The following ZBTB17 variants were observed in gnomAD, a reference collection of about 807,000 sequenced individuals.
The protein encoded by ZBTB17 is zinc finger and BTB domain-containing protein 17.
In ZBTB17, 24 loss-of-function variants were observed where a neutral mutation model predicts 85.1. The observed-to-expected ratio is 0.28, with a 90% CI of 0.20 to 0.40. The LOEUF (loss-of-function observed/expected upper bound fraction) is 0.40, where lower values mean the gene tolerates loss of function less well. ZBTB17 is among the 10% of genes least tolerant of loss of function. The pLI is 1.00. For missense variants in ZBTB17, 743 were observed against 1,105.1 expected, an observed-to-expected ratio of 0.67 and a Z score of 4.65; for synonymous variants, 464 against 460.2, an observed-to-expected ratio of 1.01 and a Z score of -0.11.
chr1:15,960,674 G>C (rs1280877357), intron 2 of ZBTB17, among the ~76,000 whole-genome samples: 1 of 152,262 alleles, frequency 6.6e-6, no homozygotes. Context: ...GAGCAAAGAG[G>C]CTCTCACTGA....
intron 12 of ZBTB17, 92 bp downstream of exon 12, chr1:15,943,307 T>C: frequency 1.3e-6 from 2 of 1,591,886 alleles, no homozygotes; most frequent in Non-Finnish European, 1.7e-6. Context: ...TGGGCAGCAG[T>C]CAGCTCAGTC....
chr1:15,943,424 A>T lies in ZBTB17; in HGVS notation c.1672T>A (p.Tyr558Asn), dbSNP rs1450649786. 1.9e-6 allele frequency: 3 copies of T among 1,607,260 alleles called. No individual in the cohort carries two copies. Among genetic ancestry groups the T allele is most frequent in the Non-Finnish European group, 2.6e-6 (3 of 1,176,458 alleles). Reference sequence around the variant, plus strand: ...CTCTTGCCGCAGCGCTCGCAGACGTAGGGCTTCTCCCCGGTGTGCTGGCGC... The same window carrying T: ...CTCTTGCCGCAGCGCTCGCAGACGTTGGGCTTCTCCCCGGTGTGCTGGCGC... ...HVRQHTGEKP[Y>N]VCERCGKRFV... The change falls in exon 12 of 16, where the codon TAC becomes AAC. Residue 558 changes from tyrosine (Y) to asparagine (N), a missense_variant. Coordinates refer to ENST00000375743, the MANE Select transcript of ZBTB17 (RefSeq NM_003443.3).
intron 3 of ZBTB17, 25 bp from the exon 4 acceptor site, chr1:15,947,148 C>G: frequency 6.3e-7 from 1 of 1,588,156 alleles, no homozygotes; most frequent in Non-Finnish European, 8.6e-7. Flanking sequence ...ACAGCTGTCA[C>G]AGACCCACCT....
intron 2 of ZBTB17, among the ~76,000 whole-genome samples, chr1:15,972,639 G>A (rs957416725): frequency 6.6e-6 from 1 of 152,202 alleles, no homozygotes; most frequent in Non-Finnish European, 1.5e-5. Context: ...CTTGGACCAT[G>A]AGATGGAAGC....
chr1:15,942,825 A>G lies in ZBTB17; in HGVS notation c.1829-87T>C, dbSNP rs527966894. ...CCCTCAATGACTCGTTTGCCCAGCA[A>G]CCCTGTCTTTTACAGCAGGAGGTGC... On this transcript the variant is annotated intron_variant, in intron 13 of 15. Coordinates refer to ENST00000375743, the MANE Select transcript of ZBTB17 (RefSeq NM_003443.3). 7.5e-5 allele frequency: 112 copies of G among 1,502,914 alleles called. No individual in the cohort carries two copies. The African/African-American group carries it at 1.3e-3, about 18-fold the overall frequency. The allele number at this position is 1,502,914 out of a possible 1,614,324, so 93.1% of individuals were successfully genotyped here. A position where few individuals can be genotyped will look rare whatever the true frequency, so the allele number is the denominator to read the frequency against.
intron 11 of ZBTB17, 25 bp from the exon 12 acceptor site, chr1:15,943,544 G>A (rs556407434): frequency 1.9e-6 from 3 of 1,611,496 alleles, no homozygotes; most frequent in South Asian, 2.2e-5. Context: ...GAAGGTGTTG[G>A]TGCCTGCTCC....
Position 15,951,307 on chromosome 1 carries a change from G to A in ZBTB17, c.-2-2810C>T, listed in dbSNP as rs1014073482. On this transcript the variant is annotated intron_variant, in intron 2 of 15. Coordinates refer to ENST00000375743, the MANE Select transcript of ZBTB17 (RefSeq NM_003443.3). This position sits in a 1 kb window ranked among gnomAD's most constrained non-coding sequence, Gnocchi z 4.1. ...AAGGGAAGGAAAGGAGAGAGAAGAAGGAAGGAAGGAAGGGAGAGAGGGAGG... is the reference window on the plus strand; with the variant it reads ...AAGGGAAGGAAAGGAGAGAGAAGAAAGAAGGAAGGAAGGGAGAGAGGGAGG... 1.3e-5 allele frequency among the ~76,000 whole-genome samples: 2 copies of A among 150,054 alleles called. No individual in the cohort carries two copies. The highest frequency in any genetic ancestry group is 5.0e-5 in the African/African-American group (2 of 39,756).
chr1:15,970,671 C>T lies in ZBTB17; in HGVS notation c.-3+2368G>A, dbSNP rs555551889. 4.6e-5 allele frequency among the ~76,000 whole-genome samples: 7 copies of T among 152,270 alleles called. No individual in the cohort carries two copies. In the South Asian group the frequency reaches 1.5e-3, roughly 32 times the overall value. On this transcript the variant is annotated intron_variant, in intron 2 of 15. Transcript: ENST00000375743. ...TCAAGTGATTCTCTTGCCTCAGACT[C>T]CTGAGTAGCTGGGATTACAGGCGCC...
At chr1:15,971,180 T>C (rs764683795) in intron 2 of ZBTB17, among the ~76,000 whole-genome samples, 5 of 151,580 alleles carry the variant, frequency 3.3e-5, no homozygotes, top group Admixed American at 3.3e-4. Flanking sequence ...AAGAAGCCAA[T>C]AGATCAAAAC....
chr1:15,948,210 C>T (rs1177802991), intron 3 of ZBTB17, 81 bp downstream of exon 3: 33 of 1,547,950 alleles, frequency 2.1e-5, no homozygotes, highest in Non-Finnish European at 2.6e-5. Context: ...GCAGGTGCTG[C>T]CCCTGGAGGG....
At chr1:15,942,782 C>T (rs1375250508) in intron 13 of ZBTB17, 44 bp from the exon 14 acceptor site, 1 of 1,602,608 alleles carries the variant, frequency 6.2e-7, no homozygotes. Context: ...GAAGGGGCCG[C>T]AGGGATGGGG....
Position 15,944,619 on chromosome 1 carries a change from A to G in ZBTB17, c.1071-19T>C. On this transcript the variant is annotated intron_variant, in intron 8 of 15. Transcript: ENST00000375743. The stretch of plus-strand genomic sequence containing the variant: ...CAGAGGGCTGCAGGGCCAGAAGGCG[A>G]CAGGAGGCAGGGCTCGCTGGGGCGT... 4 of 1,599,894 alleles carry G rather than the reference A, an allele frequency of 2.5e-6. No homozygotes were observed. The highest frequency in any genetic ancestry group is 1.3e-5 in the African/African-American group (1 of 75,042).
In ZBTB17 at chr1:15,966,167, G is replaced by T. The variant is rs2072433763; in HGVS notation, c.-3+6872C>A. Among the ~76,000 whole-genome samples the T allele has an allele frequency of 6.6e-6, 1 of 152,184 alleles. No individual in the cohort carries two copies. Among genetic ancestry groups the T allele is most frequent in the South Asian group, 2.1e-4 (1 of 4,830 alleles). Reference sequence around the variant, plus strand: ...AGTAACGGGGGAAAATCCCTGAGGGGCCCACATGGCCCCGAGACTACAGAA... The same window carrying T: ...AGTAACGGGGGAAAATCCCTGAGGGTCCCACATGGCCCCGAGACTACAGAA... On this transcript the variant is annotated intron_variant, in intron 2 of 15. Transcript: ENST00000375743. This position sits in a 1 kb window ranked among gnomAD's most constrained non-coding sequence, Gnocchi z 4.1.
chr1:15,958,648 AG>A (rs2072139558), intron 2 of ZBTB17, among the ~76,000 whole-genome samples: 1 of 152,134 alleles, frequency 6.6e-6, no homozygotes, highest in South Asian at 2.1e-4. Context: ...GCTGGGTCTG[AG>A]CCCCAGCCCC....
chr1:15,946,287 G>T lies in ZBTB17; in HGVS notation c.402C>A (p.Asp134Glu), dbSNP rs770511924. 3.2e-5 allele frequency: 51 copies of T among 1,612,580 alleles called. No individual in the cohort carries two copies. The Admixed American group carries it at 8.3e-4, about 26-fold the overall frequency. Residue 134 changes from aspartate to glutamate, a missense_variant, in exon 5 of 16, where the codon GAC becomes GAA. Coordinates refer to ENST00000375743, the MANE Select transcript of ZBTB17 (RefSeq NM_003443.3). ...NAEALATEGG[D>E]KRAKEEKVAT... The stretch of plus-strand genomic sequence containing the variant: ...CCACCTTCTCCTCTTTGGCTCTCTT[G>T]TCCCCTCCTGGAGATGGAACAGGGC...
chr1:15,959,501 AG>A (rs2148794433), intron 2 of ZBTB17, among the ~76,000 whole-genome samples: 1 of 112,836 alleles, frequency 8.9e-6, no homozygotes, highest in African/African-American at 3.2e-5. Context: ...GGGAAGGAAG[AG>A]GGAGGAGAGG....
At chr1:15,972,483 G>A (rs1025023484) in intron 2 of ZBTB17, among the ~76,000 whole-genome samples, 7 of 152,206 alleles carry the variant, frequency 4.6e-5, no homozygotes, top group Admixed American at 4.6e-4. Context: ...CCAGATGCAG[G>A]AACTGGCTTA....
At position 15,945,216 on chromosome 1, in the gene ZBTB17, G is replaced by C; in HGVS notation, c.662-14C>G. 6.5e-7 allele frequency: 1 copy of C among 1,550,098 alleles called. No homozygotes were observed. Among genetic ancestry groups the C allele is most frequent in the Non-Finnish European group, 8.7e-7 (1 of 1,146,812 alleles). On this transcript the variant is annotated splice_polypyrimidine_tract_variant and intron_variant, in intron 6 of 15. Coordinates refer to ENST00000375743, the MANE Select transcript of ZBTB17 (RefSeq NM_003443.3). Reference sequence around the variant, plus strand: ...CCACCTCCATTTCTGCGGAGAAAAGGGCAAGCATGGAGGCGGCAGCCCTCT... The same window carrying C: ...CCACCTCCATTTCTGCGGAGAAAAGCGCAAGCATGGAGGCGGCAGCCCTCT...
At chr1:15,942,917 C>G in intron 13 of ZBTB17, 147 bp downstream of exon 13, 2 of 1,378,496 alleles carry the variant, frequency 1.5e-6, no homozygotes, top group East Asian at 2.5e-5. Flanking sequence ...AAAATGGGGT[C>G]CTCATTTGAA....
Sources: gnomAD v4.1 joint callset for allele counts (sites outside exome capture counted in the v4.1 genomes callset) on GRCh38, gnomAD v4.1.1 for gene constraint, Gnocchi (gnomAD v3.1) non-coding constraint, MANE v1.5 for transcripts, NCBI Gene and HGNC (gene_info 2026-07-23, HGNC 2026-07-21) for gene names.